RP1: variants seen among roughly 807,000 people sequenced by gnomAD.
RP1 encodes the protein RP1 axonemal microtubule associated.
RP1 carries 16 observed loss-of-function variants against 14.8 expected under a neutral mutation model. That is an observed-to-expected ratio of 1.08 (90% confidence interval 0.73 to 1.65). The LOEUF (loss-of-function observed/expected upper bound fraction) is 1.65, where lower values mean the gene tolerates loss of function less well. RP1 is among the 40% of genes most tolerant of loss of function. The pLI is 0.00. For synonymous variants in RP1, 876 were observed against 883.6 expected, an observed-to-expected ratio of 0.99 and a Z score of 0.15; for missense variants, 2,631 against 2,535.0, an observed-to-expected ratio of 1.04 and a Z score of -0.81.
chr8:54,779,656 TAACTC>T (rs1176055817), intron 23 of RP1, among the ~76,000 whole-genome samples: 3 of 152,172 alleles, frequency 2.0e-5, no homozygotes, highest in Admixed American at 1.3e-4. Context: ...CTCACCAAAA[TAACTC>T]AACCGTGCTT....
intron 7 of RP1, among the ~76,000 whole-genome samples, chr8:54,668,811 C>A (rs1807076824): frequency 6.6e-6 from 1 of 152,146 alleles, no homozygotes; most frequent in African/African-American, 2.4e-5. Context: ...GCTGGGAAAA[C>A]TGGCTAGCTG....
intron 24 of RP1, among the ~76,000 whole-genome samples, chr8:54,817,140 C>T (rs1459882498): frequency 2.0e-5 from 3 of 152,122 alleles, no homozygotes; most frequent in Non-Finnish European, 4.4e-5. Flanking sequence ...TCTCATTAGA[C>T]ATCTCTGAAA....
rs958581760 is a variant in RP1, at chr8:54,865,977, G to A, written c.4151+61G>A. The stretch of plus-strand genomic sequence containing the variant: ...TCTCTTTGTCCAATTTATTCCACCT[G>A]TGTCCTCCAGCATGCCTCATCCCAG... On this transcript the variant is annotated intron_variant, in intron 28 of 28. Transcript: ENST00000637698. The A allele has an allele frequency of 3.1e-5, 22 of 711,272 alleles. No individual in the cohort carries two copies. In the African/African-American group the frequency reaches 3.9e-4, roughly 13 times the overall value. 44.1% of individuals were successfully genotyped at this position (711,272 alleles called of 1,614,324 possible).
At chr8:54,748,520 C>T (rs1809282596) in intron 19 of RP1, among the ~76,000 whole-genome samples, 1 of 152,134 alleles carries the variant, frequency 6.6e-6, no homozygotes, top group South Asian at 2.1e-4. Context: ...CTTGTACAGT[C>T]CTTGATAACA....
At position 54,630,078 on chromosome 8, in the gene RP1, G is replaced by A. The variant is rs149282954; in HGVS notation, c.6196G>A (p.Asp2066Asn). The change falls in exon 4 of 4, where the codon GAT becomes AAT. Residue 2066 changes from aspartate (D) to asparagine (N), a missense_variant. Asp to Asn is a conservative substitution (Grantham distance 23). Transcript: ENST00000220676. ...GACAAATGAAATCTTTAAAGCAGTC[G>A]ATGAGAATAACAACTTATTAAATAA... ...GQTNEIFKAVDENNNLLNNRF... is the reference protein window; with the variant it reads ...GQTNEIFKAVNENNNLLNNRF... 661 of 1,613,820 alleles carry A rather than the reference G, an allele frequency of 4.1e-4. No homozygotes were observed. The highest frequency in any genetic ancestry group is 4.9e-4 in the Non-Finnish European group (580 of 1,179,890).
At chr8:54,674,510 C>T (rs1807249670) in intron 8 of RP1, among the ~76,000 whole-genome samples, 1 of 125,694 alleles carries the variant, frequency 8.0e-6, no homozygotes, top group African/African-American at 2.7e-5. Context: ...AGGACACATA[C>T]CAAAAAAAAA....
chr8:54,707,922 G>A (rs888193457), intron 15 of RP1, among the ~76,000 whole-genome samples: 29 of 152,232 alleles, frequency 1.9e-4, no homozygotes, highest in Middle Eastern at 3.2e-3. Context: ...ACTCATGCTT[G>A]TAGTCTTTAC....
At chr8:54,829,633 C>A (rs1241718874) in intron 24 of RP1, among the ~76,000 whole-genome samples, 1 of 151,166 alleles carries the variant, frequency 6.6e-6, no homozygotes, top group Non-Finnish European at 1.5e-5. Context: ...GTATTTGACA[C>A]CATTTTACCT....
In RP1 at chr8:54,628,609, C is replaced by T. The variant is rs1303153633; in HGVS notation, c.4727C>T (p.Ser1576Phe). Residue 1576 changes from serine to phenylalanine, a missense_variant, in exon 4 of 4, where the codon TCT (serine) becomes TTT (phenylalanine). Physicochemically the swap from Ser to Phe is radical, Grantham distance 155. Transcript: ENST00000220676. ...TMETGSYSES[S>F]PDLKKCIKSP... ...GAAACTGGAAGTTATTCAGAGTCCTCTCCTGATTTAAAAAAATGCATCAAA... is the reference window on the plus strand; with the variant it reads ...GAAACTGGAAGTTATTCAGAGTCCTTTCCTGATTTAAAAAAATGCATCAAA... 1 of 1,613,996 alleles carries T rather than the reference C, an allele frequency of 6.2e-7. No individual in the cohort carries two copies. The highest frequency in any genetic ancestry group is 8.5e-7 in the Non-Finnish European group (1 of 1,179,960).
intron 15 of RP1, among the ~76,000 whole-genome samples, chr8:54,715,384 A>G (rs1213701172): frequency 6.6e-6 from 1 of 152,166 alleles, no homozygotes; most frequent in Non-Finnish European, 1.5e-5. Flanking sequence ...AGATTTTTAA[A>G]TGAAAGCAGG....
rs985032567 is a variant in RP1 at position 54,845,255 on chromosome 8, G to A, written c.3836-7319G>A. Among the ~76,000 whole-genome samples the A allele has an allele frequency of 8.5e-5, 13 of 152,308 alleles. No homozygotes were observed. The East Asian group carries it at 2.5e-3, about 29-fold the overall frequency. ...CCTGGGAAGGTGGCCTAGAAAGGGT[G>A]CAGCTCTGGGTGAGGAGCAGCCGCT... On this transcript the variant is annotated intron_variant, in intron 25 of 28. Coordinates refer to the RP1 transcript ENST00000637698.
chr8:54,661,012 G>T (rs1189770115), intron 6 of RP1, among the ~76,000 whole-genome samples: 3 of 151,506 alleles, frequency 2.0e-5, no homozygotes, highest in Non-Finnish European at 2.9e-5. Context: ...TGAAATTTTG[G>T]TTAGAAAAAT....
intron 19 of RP1, among the ~76,000 whole-genome samples, chr8:54,747,834 A>G (rs1269567057): frequency 2.0e-5 from 3 of 152,218 alleles, no homozygotes; most frequent in African/African-American, 7.2e-5. Context: ...TTTCATATAT[A>G]TAGCCTGGAG....
In RP1 at chr8:54,629,906, A is replaced by G. The variant is rs147680018; in HGVS notation, c.6024A>G (p.Lys2008=). ...FDLMGKRRKQ[K]RINFLGLEEE... is the part of the protein sequence containing the mutation. ...TGATGGGTAAAAGAAGAAAACAAAA[A>G]AGAATTAACTTCTTGGGGTTAGAGG... Residue 2008 remains lysine, a synonymous_variant, in exon 4 of 4, where the codon AAA becomes AAG. Transcript: ENST00000220676. 347 of 1,613,950 alleles carry G rather than the reference A, an allele frequency of 2.1e-4. No homozygotes were observed. In the African/African-American group the frequency reaches 4.2e-3, roughly 19 times the overall value.
At chr8:54,670,565 A>G (rs1335168588) in intron 7 of RP1, among the ~76,000 whole-genome samples, 1 of 139,732 alleles carries the variant, frequency 7.2e-6, no homozygotes, top group Non-Finnish European at 1.5e-5. Flanking sequence ...ATATATATAC[A>G]TATATATGTA....
intron 12 of RP1, among the ~76,000 whole-genome samples, chr8:54,684,183 G>A (rs1807500637): frequency 6.6e-6 from 1 of 152,024 alleles, no homozygotes; most frequent in Admixed American, 6.6e-5. Flanking sequence ...TGATGGATAA[G>A]CTTTTTGATG....
intron 24 of RP1, among the ~76,000 whole-genome samples, chr8:54,810,198 G>A (rs1288258009): frequency 6.6e-6 from 1 of 152,120 alleles, no homozygotes; most frequent in East Asian, 1.9e-4. Context: ...ACTAAACAAT[G>A]TTTCAAAATG....
chr8:54,775,005 G>A (rs1473990693), intron 23 of RP1, among the ~76,000 whole-genome samples: 1 of 151,908 alleles, frequency 6.6e-6, no homozygotes, highest in Non-Finnish European at 1.5e-5. Context: ...AAATATCAGG[G>A]TGTTTGGCAG....
At chr8:54,830,700 T>A (rs569884554) in intron 24 of RP1, among the ~76,000 whole-genome samples, 1 of 152,264 alleles carries the variant, frequency 6.6e-6, no homozygotes, top group Admixed American at 6.5e-5. Flanking sequence ...AAAAATTGAG[T>A]TGAAATTCAC....
Sources: gnomAD v4.1 joint callset for allele counts (sites outside exome capture counted in the v4.1 genomes callset) on GRCh38, gnomAD v4.1.1 for gene constraint, MANE v1.5 for transcripts, NCBI Gene and HGNC (gene_info 2026-07-23, HGNC 2026-07-21) for gene names.